Variants in SMARCC1 observed in about 807,000 individuals in gnomAD.
SMARCC1 encodes the protein SWI/SNF complex subunit SMARCC1.
In SMARCC1, 43 loss-of-function variants were observed where a neutral mutation model predicts 147.4. That is an observed-to-expected ratio of 0.29 (90% CI 0.23 to 0.38). The LOEUF (loss-of-function observed/expected upper bound fraction) is 0.38. Ranked by LOEUF, SMARCC1 falls within the 10% of genes least tolerant of loss-of-function variation. The pLI, the probability that SMARCC1 is intolerant of heterozygous loss-of-function variation, is 1.00. For synonymous variants in SMARCC1, 495 were observed against 484.4 expected (o/e 1.02, Z -0.29); for missense variants, 1,119 against 1,381.1 (o/e 0.81, Z 3.01).
At chr3:47,687,766 G>C (rs1024800109) in intron 13 of SMARCC1, among the ~76,000 whole-genome samples, 2 of 152,086 alleles carry the variant, frequency 1.3e-5, no homozygotes, top group African/African-American at 4.8e-5. Context: ...ACTGCACTCA[G>C]CACTTTTTAT....
chr3:47,612,409 T>C (rs1323751312), intron 25 of SMARCC1, among the ~76,000 whole-genome samples: 3 of 152,316 alleles, frequency 2.0e-5, no homozygotes, highest in African/African-American at 4.8e-5. Context: ...GTAAGAACTA[T>C]GGAATTTAGG....
intron 19 of SMARCC1, among the ~76,000 whole-genome samples, chr3:47,670,166 C>T (rs2033476608): frequency 6.6e-6 from 1 of 152,214 alleles, no homozygotes; most frequent in African/African-American, 2.4e-5. Flanking sequence ...TACCTAACTA[C>T]ATGGAGACAC....
chr3:47,706,998 A>G (rs1208105159), intron 9 of SMARCC1, among the ~76,000 whole-genome samples: 2 of 152,244 alleles, frequency 1.3e-5, no homozygotes, highest in Non-Finnish European at 2.9e-5. Context: ...ATGTTAAGCA[A>G]GATGGCAACA....
intron 19 of SMARCC1, 142 bp from the exon 20 acceptor site, chr3:47,662,734 T>G (rs2033364077): frequency 1.4e-6 from 1 of 703,798 alleles, no homozygotes; most frequent in African/African-American, 1.8e-5. Flanking sequence ...TTTCCTTAGA[T>G]TATTTTCAAT....
chr3:47,649,140 GAGAA>G (rs2033156022), intron 21 of SMARCC1, among the ~76,000 whole-genome samples: 1 of 152,244 alleles, frequency 6.6e-6, no homozygotes, highest in African/African-American at 2.4e-5. Flanking sequence ...ATATAACAAA[GAGAA>G]AGAGAGAAGC....
At chr3:47,777,290 C>A (rs2034986701) in intron 1 of SMARCC1, among the ~76,000 whole-genome samples, 1 of 151,582 alleles carries the variant, frequency 6.6e-6, no homozygotes, top group African/African-American at 2.4e-5. Context: ...ACCATGTTGG[C>A]CAGGCTGGTC....
chr3:47,705,071 C>T (rs1474287520), intron 10 of SMARCC1, among the ~76,000 whole-genome samples: 2 of 151,254 alleles, frequency 1.3e-5, no homozygotes, highest in Non-Finnish European at 2.9e-5. Context: ...CGCCTGTAAT[C>T]CCAGCACTTT....
chr3:47,607,470 C>CTTGGTATATT (rs1215684754), intron 26 of SMARCC1, among the ~76,000 whole-genome samples: 2 of 152,154 alleles, frequency 1.3e-5, no homozygotes, highest in African/African-American at 4.8e-5. Context: ...GCTCTAAGCA[C>CTTGGTATATT]TTGGTATATT....
intron 10 of SMARCC1, among the ~76,000 whole-genome samples, chr3:47,705,390 A>G (rs188217148): frequency 1.6e-4 from 24 of 151,732 alleles, no homozygotes; most frequent in Non-Finnish European, 3.1e-4. Context: ...CGAAAAATCT[A>G]TTTTTATAAT....
intron 2 of SMARCC1, among the ~76,000 whole-genome samples, chr3:47,763,227 G>C (rs1322435197): frequency 6.6e-6 from 1 of 151,118 alleles, no homozygotes. Context: ...GCCCAGGCTA[G>C]TCTCGAGTTC....
At chr3:47,615,269 T>C (rs1302785921) in intron 25 of SMARCC1, among the ~76,000 whole-genome samples, 1 of 152,236 alleles carries the variant, frequency 6.6e-6, no homozygotes, top group Non-Finnish European at 1.5e-5. Flanking sequence ...GAGATCTTTG[T>C]TGGGTTTTAT....
intron 2 of SMARCC1, 95 bp downstream of exon 2, chr3:47,772,722 C>A: frequency 9.4e-7 from 1 of 1,059,930 alleles, no homozygotes; most frequent in African/African-American, 1.6e-5. Flanking sequence ...TTAAATTCTA[C>A]ACGCTAGCAG....
chr3:47,707,719 A>G (rs2034011406), intron 9 of SMARCC1, among the ~76,000 whole-genome samples: 1 of 152,096 alleles, frequency 6.6e-6, no homozygotes. Context: ...ACAAAAACAA[A>G]CAAAAAAAAG....
chr3:47,675,388 T>C, intron 18 of SMARCC1, 87 bp downstream of exon 18: 2 of 617,164 alleles, frequency 3.2e-6, no homozygotes, highest in Non-Finnish European at 5.8e-6. Context: ...AAAAATACCA[T>C]CAGATTTGAG....
At chr3:47,748,112 T>C (rs1295812041) in intron 2 of SMARCC1, among the ~76,000 whole-genome samples, 1 of 151,706 alleles carries the variant, frequency 6.6e-6, no homozygotes, top group African/African-American at 2.4e-5. Flanking sequence ...ATCACACCAC[T>C]GCACTCCAGC....
chr3:47,725,238 C>T (rs1409298949), intron 6 of SMARCC1, among the ~76,000 whole-genome samples: 1 of 151,838 alleles, frequency 6.6e-6, no homozygotes, highest in Non-Finnish European at 1.5e-5. Context: ...TGTCATCATG[C>T]TTTCATTTCT....
chr3:47,740,178 CTTTTTT>C (rs34523367), intron 3 of SMARCC1, among the ~76,000 whole-genome samples: 3 of 35,708 alleles, frequency 8.4e-5, no homozygotes, highest in African/African-American at 2.4e-4. Context: ...GCCCGGCCAT[CTTTTTT>C]TTTTTTTTTT....
At chr3:47,680,783 G>C (rs1389549165) in intron 14 of SMARCC1, among the ~76,000 whole-genome samples, 1 of 151,776 alleles carries the variant, frequency 6.6e-6, no homozygotes, top group Non-Finnish European at 1.5e-5. Flanking sequence ...TCCTGACCTC[G>C]TGATCCGCCC....
At chr3:47,597,574 C>T (rs890884992) in intron 26 of SMARCC1, among the ~76,000 whole-genome samples, 1 of 152,180 alleles carries the variant, frequency 6.6e-6, no homozygotes, top group African/African-American at 2.4e-5. Flanking sequence ...GATCCGCCTG[C>T]CTCGGCCTCC....
Sources: allele counts gnomAD v4.1 joint callset (sites outside exome capture counted in the v4.1 genomes callset), GRCh38; gene constraint gnomAD v4.1.1; transcripts MANE v1.5; gene names NCBI Gene and HGNC (gene_info 2026-07-23, HGNC 2026-07-21).